The following KSR1 variants were observed in gnomAD, a reference collection of about 807,000 sequenced individuals.
KSR1 encodes kinase suppressor of ras 1, also known as kinase suppressor of ras.
Under a neutral mutation model 92.9 loss-of-function variants are expected in KSR1, and 35 were observed. That is an observed-to-expected ratio of 0.38 (90% CI 0.29 to 0.50). KSR1 has a LOEUF of 0.50. Ranked by LOEUF, KSR1 falls within the 20% of genes least tolerant of loss-of-function variation. The probability of loss-of-function intolerance (pLI) is 0.94; values close to 1 mark genes in which losing one functional copy is unlikely to be tolerated. For synonymous variants in KSR1, 467 were observed against 472.6 expected, an observed-to-expected ratio of 0.99 and a Z score of 0.15; for missense variants, 972 against 1,158.5, an observed-to-expected ratio of 0.84 and a Z score of 2.34.
intron 1 of KSR1, among the ~76,000 whole-genome samples, chr17:27,524,603 G>A (rs2070180103): frequency 6.6e-6 from 1 of 152,218 alleles, no homozygotes; most frequent in African/African-American, 2.4e-5. Context: ...AAAGGGGCTT[G>A]TAGAGCATGA....
At chr17:27,551,389 C>T (rs537871881) in intron 2 of KSR1, among the ~76,000 whole-genome samples, 1 of 152,098 alleles carries the variant, frequency 6.6e-6, no homozygotes, top group South Asian at 2.1e-4. Context: ...ATGGTTCACC[C>T]AGTCAGATCT....
intron 1 of KSR1, among the ~76,000 whole-genome samples, chr17:27,495,306 G>A (rs1186617209): frequency 2.0e-5 from 3 of 152,186 alleles, no homozygotes; most frequent in African/African-American, 4.8e-5. Flanking sequence ...CATCTTGGGA[G>A]GCAGAAAAGC....
At chr17:27,564,950 A>G (rs544041480) in intron 2 of KSR1, among the ~76,000 whole-genome samples, 3 of 152,292 alleles carry the variant, frequency 2.0e-5, no homozygotes, top group African/African-American at 7.2e-5. Context: ...TGTTTTTAAT[A>G]ACATTTGTTA....
chr17:27,504,550 G>A (rs1025813438), intron 1 of KSR1, among the ~76,000 whole-genome samples: 2 of 152,152 alleles, frequency 1.3e-5, no homozygotes, highest in Admixed American at 6.5e-5. Context: ...GGGTACAGAC[G>A]GGGATGGGGC....
At chr17:27,622,276 C>G (rs1042046417) in intron 20 of KSR1, 17 of 371,006 alleles carry the variant, frequency 4.6e-5, no homozygotes, top group African/African-American at 3.4e-4. Flanking sequence ...GTTTGGGTGG[C>G]TCTGTCTCAC....
chr17:27,578,952 C>G (rs981010563), intron 3 of KSR1: 1 of 152,300 alleles, frequency 6.6e-6, no homozygotes, highest in African/African-American at 2.4e-5. Context: ...CATCTGGGGC[C>G]CCACACCTGG....
chr17:27,572,837 T>G (rs568274258), intron 2 of KSR1, among the ~76,000 whole-genome samples: 1 of 152,222 alleles, frequency 6.6e-6, no homozygotes, highest in Non-Finnish European at 1.5e-5. Flanking sequence ...TTTGGGGCAC[T>G]GTTGAGTCAT....
intron 15 of KSR1, among the ~76,000 whole-genome samples, chr17:27,608,755 T>A (rs1428382896): frequency 6.6e-6 from 1 of 152,184 alleles, no homozygotes; most frequent in African/African-American, 2.4e-5. Flanking sequence ...AATGCCTCTC[T>A]GTTCCCCCAC....
intron 2 of KSR1, among the ~76,000 whole-genome samples, chr17:27,556,540 G>A (rs1385024889): frequency 1.3e-5 from 2 of 152,148 alleles, no homozygotes; most frequent in African/African-American, 4.8e-5. Flanking sequence ...TTTTTAATGA[G>A]ACTCTCATTC....
chr17:27,623,846 T>C lies in KSR1; in HGVS notation c.*454T>C. On this transcript the variant is annotated 3_prime_UTR_variant, in exon 21 of 21. Coordinates refer to ENST00000644974, the MANE Select transcript of KSR1 (RefSeq NM_001394583.1). ...GGCGGGGAGCCCAGAAGGTCTGATC[T>C]GGCCTCTGCTTTTTGGCCCAAGACT... is the stretch of plus-strand genomic sequence containing the variant. 3 of 493,380 alleles carry C rather than the reference T, an allele frequency of 6.1e-6. No individual in the cohort carries two copies. In the South Asian group the frequency reaches 1.2e-4, roughly 19 times the overall value. 30.6% of individuals were successfully genotyped at this position (493,380 alleles called of 1,614,324 possible). A position where few individuals can be genotyped will look rare whatever the true frequency, so the allele number is the denominator to read the frequency against.
At chr17:27,491,205 G>A (rs2068813800) in intron 1 of KSR1, among the ~76,000 whole-genome samples, 1 of 151,918 alleles carries the variant, frequency 6.6e-6, no homozygotes, top group Non-Finnish European at 1.5e-5. Context: ...GCTCACGGTA[G>A]CCTCAAACTC....
At chr17:27,519,284 C>G (rs2069924376) in intron 1 of KSR1, among the ~76,000 whole-genome samples, 1 of 152,162 alleles carries the variant, frequency 6.6e-6, no homozygotes, top group Admixed American at 6.5e-5. Context: ...CACCCACTCT[C>G]CAGTTGCAGG....
At chr17:27,546,934 G>T (rs114571471) in intron 1 of KSR1, among the ~76,000 whole-genome samples, 3,209 of 152,240 alleles carry the variant, frequency 0.021, 115 homozygotes, top group African/African-American at 0.072. Context: ...TGATTAGCAG[G>T]GTCTGCTCTG....
At chr17:27,586,832 C>T (rs73983481) in intron 5 of KSR1, among the ~76,000 whole-genome samples, 1 of 152,202 alleles carries the variant, frequency 6.6e-6, no homozygotes, top group Non-Finnish European at 1.5e-5. Context: ...TAGTCTGTTT[C>T]TCCTAGGCTG....
At chr17:27,611,436 TGGGCTTGAGCTGGGCACAGCG>T in intron 17 of KSR1, 37 bp from the exon 18 acceptor site, 1 of 1,610,110 alleles carries the variant, frequency 6.2e-7, no homozygotes, top group Non-Finnish European at 8.5e-7. Flanking sequence ...CAAGGGCCCC[TGGGCTTGAGCTGGGCACAGCG>T]GCCCAGGAGC....
At chr17:27,521,083 C>T (rs773582287) in intron 1 of KSR1, among the ~76,000 whole-genome samples, 4 of 152,178 alleles carry the variant, frequency 2.6e-5, no homozygotes, top group Non-Finnish European at 4.4e-5. Context: ...ACCCTGTCCT[C>T]ATGTTTGAAT....
At chr17:27,500,437 G>C (rs2069136729) in intron 1 of KSR1, among the ~76,000 whole-genome samples, 1 of 152,178 alleles carries the variant, frequency 6.6e-6, no homozygotes, top group South Asian at 2.1e-4. Flanking sequence ...TGCTCCAGAA[G>C]GCTCTATGGA....
intron 1 of KSR1, among the ~76,000 whole-genome samples, chr17:27,549,326 C>A (rs182366911): frequency 6.6e-6 from 1 of 152,200 alleles, no homozygotes; most frequent in African/African-American, 2.4e-5. Context: ...GTCACTTGGC[C>A]GTAGCCAAGC....
intron 13 of KSR1, 108 bp from the exon 14 acceptor site, chr17:27,605,326 G>C: frequency 7.0e-7 from 1 of 1,423,546 alleles, no homozygotes; most frequent in Non-Finnish European, 9.3e-7. Flanking sequence ...GGGTCCCCTG[G>C]CAGGATGCCT....
Sources: gnomAD v4.1 joint callset for allele counts (sites outside exome capture counted in the v4.1 genomes callset) on GRCh38, gnomAD v4.1.1 for gene constraint, MANE v1.5 for transcripts, NCBI Gene and HGNC (gene_info 2026-07-23, HGNC 2026-07-21) for gene names.